The following HMGN3 variants were observed in gnomAD, a reference collection of about 807,000 sequenced individuals.
HMGN3 encodes high mobility group nucleosome-binding domain-containing protein 3.
In HMGN3, 6 loss-of-function variants were observed where a neutral mutation model predicts 18.8. The ratio of observed to expected loss-of-function variants is 0.32; its 90% CI spans 0.18 to 0.63. HMGN3 has a LOEUF of 0.63. HMGN3 is among the 30% of genes least tolerant of loss of function. The pLI is 0.79. For missense variants in HMGN3, 107 were observed against 114.2 expected (o/e 0.94, Z 0.29); for synonymous variants, 40 against 36.5 (o/e 1.10, Z -0.35).
chr6:79,210,691 G>A (rs1776642773), intron 2 of HMGN3, among the ~76,000 whole-genome samples: 1 of 152,078 alleles, frequency 6.6e-6, no homozygotes, highest in Admixed American at 6.5e-5. Flanking sequence ...GGCCTGAAAA[G>A]GGTCCAAACA....
chr6:79,221,881 T>TTGGTACATGTAGTACCAATTCAC (rs1582433600), intron 1 of HMGN3, among the ~76,000 whole-genome samples: 1 of 151,822 alleles, frequency 6.6e-6, no homozygotes, highest in East Asian at 1.9e-4. Context: ...AAAACCTTCA[T>TTGGTACATGTAGTACCAATTCAC]TGGTACATGT....
At chr6:79,216,500 C>T (rs1363244289) in intron 1 of HMGN3, among the ~76,000 whole-genome samples, 1 of 152,182 alleles carries the variant, frequency 6.6e-6, no homozygotes, top group Non-Finnish European at 1.5e-5. Context: ...GACCCAGTGA[C>T]CTTTCTCTAT....
chr6:79,208,277 T>C (rs1028728252), intron 3 of HMGN3, among the ~76,000 whole-genome samples: 9 of 152,196 alleles, frequency 5.9e-5, no homozygotes, highest in Admixed American at 5.2e-4. Flanking sequence ...CCTAATATAC[T>C]ACTTTTGTTT....
At chr6:79,230,680 A>G (rs1294100898) in intron 1 of HMGN3, among the ~76,000 whole-genome samples, 1 of 152,210 alleles carries the variant, frequency 6.6e-6, no homozygotes, top group Non-Finnish European at 1.5e-5. Context: ...TCCATAAGGA[A>G]ATGTGAGATG....
At chr6:79,234,636 C>CCG in exon 1 of HMGN3, 3 of 1,482,122 alleles carry the variant, frequency 2.0e-6, no homozygotes, top group Admixed American at 1.7e-5. Context: ...GCTGCCTCTG[C>CCG]CTCTGCAGCT....
intron 3 of HMGN3, among the ~76,000 whole-genome samples, chr6:79,207,627 G>A (rs1219415424): frequency 6.6e-6 from 1 of 152,190 alleles, no homozygotes; most frequent in African/African-American, 2.4e-5. Context: ...CGAGACTCAC[G>A]TGAAACACTG....
At chr6:79,226,070 A>C (rs6931935) in intron 1 of HMGN3, among the ~76,000 whole-genome samples, 61,058 of 152,168 alleles carry the variant, frequency 0.4, 12,769 homozygotes, top group Non-Finnish European at 0.44. Flanking sequence ...AAACATATAC[A>C]GAAAGTATTA....
intron 1 of HMGN3, among the ~76,000 whole-genome samples, chr6:79,230,947 ATGCTAC>A (rs1420283113): frequency 6.6e-6 from 1 of 152,216 alleles, no homozygotes; most frequent in Non-Finnish European, 1.5e-5. Context: ...AATAAGCCCA[ATGCTAC>A]TGCTACTGGG....
intron 1 of HMGN3, among the ~76,000 whole-genome samples, chr6:79,224,260 C>G (rs1313780626): frequency 2.0e-5 from 3 of 152,176 alleles, no homozygotes; most frequent in Admixed American, 1.3e-4. Context: ...CTCTTATCCA[C>G]TACACCATTC....
chr6:79,203,485 C>A lies in HMGN3; in HGVS notation c.147+95G>T, dbSNP rs976887186. On this transcript the variant is annotated intron_variant, in intron 4 of 5. Transcript: ENST00000344726. ...CAGTGGTAATGGTTTCAGTTTGGATCATTAAATACGGCCTTTCTTTGAATG... is the reference window on the plus strand; with the variant it reads ...CAGTGGTAATGGTTTCAGTTTGGATAATTAAATACGGCCTTTCTTTGAATG... 9.3e-6 allele frequency: 10 copies of A among 1,075,556 alleles called. No homozygotes were observed. In the South Asian group the frequency reaches 1.2e-4, roughly 13 times the overall value. The allele number at this position is 1,075,556 out of a possible 1,614,324, so 66.6% of individuals were successfully genotyped here.
chr6:79,219,126 A>G (rs957598648), intron 1 of HMGN3, among the ~76,000 whole-genome samples: 3 of 152,216 alleles, frequency 2.0e-5, no homozygotes, highest in African/African-American at 7.2e-5. Flanking sequence ...ACACCAAGGA[A>G]CAAACTGAAA....
At chr6:79,226,719 T>C (rs1167144379) in intron 1 of HMGN3, among the ~76,000 whole-genome samples, 1 of 152,216 alleles carries the variant, frequency 6.6e-6, no homozygotes, top group Non-Finnish European at 1.5e-5. Flanking sequence ...TCTTAAAATA[T>C]TAAATTTTGG....
intron 1 of HMGN3, among the ~76,000 whole-genome samples, chr6:79,221,791 T>A (rs938049136): frequency 6.6e-5 from 10 of 152,150 alleles, no homozygotes; most frequent in Non-Finnish European, 1.0e-4. Context: ...AGGAGTGATC[T>A]TCAGCCCATG....
At position 79,206,613 on chromosome 6, in the gene HMGN3, G is replaced by A. The variant is rs4521546; in HGVS notation, c.96+1934C>T. 9.1e-3 allele frequency among the ~76,000 whole-genome samples: 1,379 copies of A among 152,358 alleles called. 63 individuals carry two copies. Among genetic ancestry groups the A allele is most frequent in the Admixed American group, 0.069 (1,052 of 15,308 alleles). On this transcript the variant is annotated intron_variant, in intron 3 of 5. Transcript: ENST00000344726. Reference sequence around the variant, plus strand: ...GTTGTTGCAGAGGCAGGGTCCTCATGGATAACCTCTGCTAGGGCAGTGCAG... The same window carrying A: ...GTTGTTGCAGAGGCAGGGTCCTCATAGATAACCTCTGCTAGGGCAGTGCAG...
rs965328548 is a variant in HMGN3 at position 79,225,199 on chromosome 6, C to T, written c.15+9347G>A. 2.0e-5 allele frequency among the ~76,000 whole-genome samples: 3 copies of T among 152,114 alleles called. No individual in the cohort carries two copies. The East Asian group carries it at 5.8e-4, about 29-fold the overall frequency. On this transcript the variant is annotated intron_variant, in intron 1 of 5. Coordinates refer to ENST00000344726, the Ensembl canonical transcript of HMGN3. ...CTAATTCTGTCCAATATTATAAAAA[C>T]ATCCCACAGTTTCCACCTAAGAAAG...
chr6:79,220,236 C>T (rs1168470103), intron 1 of HMGN3, among the ~76,000 whole-genome samples: 1 of 152,078 alleles, frequency 6.6e-6, no homozygotes, highest in Non-Finnish European at 1.5e-5. Context: ...GATCTATAAA[C>T]TTCCAAATCA....
intron 1 of HMGN3, among the ~76,000 whole-genome samples, chr6:79,220,096 G>A (rs780549930): frequency 2.0e-5 from 3 of 152,060 alleles, no homozygotes; most frequent in Non-Finnish European, 2.9e-5. Context: ...AAGTGGGGTC[G>A]GTAGATAAGA....
At chr6:79,204,157 T>C (rs1776288879) in intron 3 of HMGN3, among the ~76,000 whole-genome samples, 1 of 152,246 alleles carries the variant, frequency 6.6e-6, no homozygotes, top group Non-Finnish European at 1.5e-5. Flanking sequence ...AGCTTCTTCC[T>C]ACTTTTATTC....
chr6:79,234,526 C>CT lies in HMGN3; in HGVS notation c.15+19dup, dbSNP rs1562010101. The CT allele has an allele frequency of 6.2e-7, 1 of 1,609,504 alleles. No homozygotes were observed. Among genetic ancestry groups the CT allele is most frequent in the Non-Finnish European group, 8.5e-7 (1 of 1,176,604 alleles). On this transcript the variant is annotated intron_variant, in intron 1 of 5. Transcript: ENST00000344726. ...AGCAGAATTTGAAGGCTTTTGAAAT[C>CT]TTTTTTTGGTAAGACTTACCTTTCT... is the stretch of plus-strand genomic sequence containing the variant.
Sources: allele counts gnomAD v4.1 joint callset (sites outside exome capture counted in the v4.1 genomes callset), GRCh38; gene constraint gnomAD v4.1.1; transcripts MANE v1.5; gene names NCBI Gene and HGNC (gene_info 2026-07-23, HGNC 2026-07-21).